The following GRK5 variants were observed in gnomAD, a reference collection of about 807,000 sequenced individuals.
The protein encoded by GRK5 is g protein-coupled receptor kinase GRK5.
In GRK5, 40 loss-of-function variants were observed where a neutral mutation model predicts 78.4. The observed-to-expected ratio is 0.51, with a 90% CI of 0.40 to 0.66. GRK5 has a LOEUF of 0.66. GRK5 is among the 30% of genes least tolerant of loss of function. GRK5 has a pLI of 0.00. For missense variants in GRK5, 598 were observed against 759.9 expected (o/e 0.79, Z 2.50); for synonymous variants, 289 against 296.8 (o/e 0.97, Z 0.27).
At chr10:119,323,763 G>A (rs555380619) in intron 1 of GRK5, among the ~76,000 whole-genome samples, 10 of 152,130 alleles carry the variant, frequency 6.6e-5, no homozygotes, top group Non-Finnish European at 1.5e-4. Flanking sequence ...ATGTTCTTTA[G>A]TGGTGATTTC....
At chr10:119,285,796 G>T (rs974641725) in intron 1 of GRK5, among the ~76,000 whole-genome samples, 1 of 152,140 alleles carries the variant, frequency 6.6e-6, no homozygotes, top group African/African-American at 2.4e-5. Context: ...GCAGGGAGCC[G>T]CTGAGTGCTG....
At chr10:119,208,348 C>G (rs1023939950) in intron 1 of GRK5, among the ~76,000 whole-genome samples, 5 of 149,710 alleles carry the variant, frequency 3.3e-5, no homozygotes, top group Admixed American at 2.0e-4. Context: ...TCTGTGTGAA[C>G]TGGTGTGTGT....
rs1345639135 is a variant in GRK5, at chr10:119,395,572, ACAATTTG to A, written c.262-1117_262-1111del. Among the ~76,000 whole-genome samples the A allele has an allele frequency of 2.0e-5, 3 of 152,282 alleles. No homozygotes were observed. The East Asian group carries it at 5.8e-4, about 29-fold the overall frequency. On this transcript the variant is annotated intron_variant, in intron 3 of 15. Transcript: ENST00000392870. ...GTGGTGGATTTTGAAATGGTTATAAACAATTTGCAATTAGCTCTTTTGTCTAAATGAG... is the reference window on the plus strand; with the variant it reads ...GTGGTGGATTTTGAAATGGTTATAAACAATTAGCTCTTTTGTCTAAATGAG...
intron 1 of GRK5, among the ~76,000 whole-genome samples, chr10:119,219,745 C>T (rs1449414542): frequency 1.3e-5 from 2 of 152,094 alleles, no homozygotes; most frequent in Admixed American, 6.5e-5. Flanking sequence ...TTGTTTTAGT[C>T]GTTTTGGAAG....
At chr10:119,362,668 G>A (rs1390150449) in intron 2 of GRK5, among the ~76,000 whole-genome samples, 2 of 152,204 alleles carry the variant, frequency 1.3e-5, no homozygotes, top group Non-Finnish European at 2.9e-5. Context: ...GAGATTTGGG[G>A]ACCTTAATTC....
rs1305377837 is a variant in GRK5 at position 119,379,992 on chromosome 10, C to T, written c.149-823C>T. Among the ~76,000 whole-genome samples, 2 of 152,158 alleles carry T rather than the reference C, an allele frequency of 1.3e-5. No individual in the cohort carries two copies. Among genetic ancestry groups the T allele is most frequent in the African/African-American group, 2.4e-5 (1 of 41,430 alleles). On this transcript the variant is annotated intron_variant, in intron 2 of 15. Coordinates refer to ENST00000392870, the MANE Select transcript of GRK5 (RefSeq NM_005308.3). The surrounding 1 kb of genome is among the most constrained non-coding windows in gnomAD (Gnocchi z 4.1). Reference sequence around the variant, plus strand: ...CTATTGAGTGGGTAAGCGCGGGTGACTTCCTGTCTCTGTGCCTTTAGTGCC... The same window carrying T: ...CTATTGAGTGGGTAAGCGCGGGTGATTTCCTGTCTCTGTGCCTTTAGTGCC...
At chr10:119,395,961 T>C (rs903878032) in intron 3 of GRK5, among the ~76,000 whole-genome samples, 6 of 152,218 alleles carry the variant, frequency 3.9e-5, no homozygotes, top group Non-Finnish European at 5.9e-5. Context: ...CCTGGCTCTT[T>C]CGAGGTTCAG....
At chr10:119,216,878 C>T (rs761187533) in intron 1 of GRK5, among the ~76,000 whole-genome samples, 1 of 151,996 alleles carries the variant, frequency 6.6e-6, no homozygotes, top group Non-Finnish European at 1.5e-5. Context: ...TTGTTTGAAC[C>T]TGGGAGTGCC....
At chr10:119,284,547 A>G (rs941224210) in intron 1 of GRK5, among the ~76,000 whole-genome samples, 5 of 152,220 alleles carry the variant, frequency 3.3e-5, no homozygotes, top group Non-Finnish European at 5.9e-5. Flanking sequence ...AATCCAGTTT[A>G]TCTTACCTCA....
intron 1 of GRK5, among the ~76,000 whole-genome samples, chr10:119,269,855 A>T (rs1337651349): frequency 6.7e-6 from 1 of 148,440 alleles, no homozygotes; most frequent in Admixed American, 6.7e-5. Context: ...AAAAAAAAAA[A>T]GTTGCTGAGT....
intron 1 of GRK5, among the ~76,000 whole-genome samples, chr10:119,324,886 G>T (rs1013315872): frequency 2.0e-5 from 3 of 151,776 alleles, no homozygotes; most frequent in Non-Finnish European, 4.4e-5. Flanking sequence ...ACCACGGCAG[G>T]TGCCGCCTCA....
intron 1 of GRK5, among the ~76,000 whole-genome samples, chr10:119,297,040 C>G (rs1284711961): frequency 6.6e-6 from 1 of 152,230 alleles, no homozygotes; most frequent in Non-Finnish European, 1.5e-5. Context: ...GCTGGCCAGC[C>G]AGGAGAGCAG....
intron 1 of GRK5, among the ~76,000 whole-genome samples, chr10:119,279,878 C>T (rs1481402799): frequency 2.0e-5 from 3 of 152,080 alleles, no homozygotes; most frequent in South Asian, 2.1e-4. Flanking sequence ...GAGAAGTTAT[C>T]GCCTGGTTTG....
Position 119,318,423 on chromosome 10 carries a change from T to C in GRK5, c.53-8093T>C, listed in dbSNP as rs529356962. ...TATAAGCAGTCCAGGGTCAGTTGTTTTGCACAGGTCTATCCCATCCCTCCC... is the reference window on the plus strand; with the variant it reads ...TATAAGCAGTCCAGGGTCAGTTGTTCTGCACAGGTCTATCCCATCCCTCCC... On this transcript the variant is annotated intron_variant, in intron 1 of 15. Transcript: ENST00000392870. 2.0e-5 allele frequency among the ~76,000 whole-genome samples: 3 copies of C among 152,334 alleles called. No individual in the cohort carries two copies. The East Asian group carries it at 5.8e-4, about 29-fold the overall frequency.
chr10:119,348,057 G>A (rs912934816), intron 2 of GRK5, among the ~76,000 whole-genome samples: 1 of 152,220 alleles, frequency 6.6e-6, no homozygotes. Context: ...GGACAGGGCC[G>A]TGTCTCAGTC....
chr10:119,369,386 G>A (rs949901689), intron 2 of GRK5, among the ~76,000 whole-genome samples: 3 of 152,136 alleles, frequency 2.0e-5, no homozygotes, highest in South Asian at 2.1e-4. Context: ...CAGGTGCCCC[G>A]TCCCGGCTCA....
rs1284746123 is a variant in GRK5, at chr10:119,378,620, C to A, written c.149-2195C>A. Among the ~76,000 whole-genome samples the A allele has an allele frequency of 6.6e-6, 1 of 152,226 alleles. No homozygotes were observed. The highest frequency in any genetic ancestry group is 1.5e-5 in the Non-Finnish European group (1 of 68,046). On this transcript the variant is annotated intron_variant, in intron 2 of 15. Coordinates refer to ENST00000392870, the MANE Select transcript of GRK5 (RefSeq NM_005308.3). The surrounding 1 kb of genome is among the most constrained non-coding windows in gnomAD (Gnocchi z 4.5). Reference sequence around the variant, plus strand: ...TGTGGTGAATAAATGCCCGGGAGGGCGGGCTGCCTTCAGGGCTCCTCTCTC... The same window carrying A: ...TGTGGTGAATAAATGCCCGGGAGGGAGGGCTGCCTTCAGGGCTCCTCTCTC...
At chr10:119,404,536 T>G (rs1213112302) in intron 4 of GRK5, among the ~76,000 whole-genome samples, 1 of 152,266 alleles carries the variant, frequency 6.6e-6, no homozygotes, top group Non-Finnish European at 1.5e-5. Flanking sequence ...GCCTTCATTT[T>G]TGTTACTTGT....
At chr10:119,233,416 C>T (rs1848862928) in intron 1 of GRK5, among the ~76,000 whole-genome samples, 1 of 151,884 alleles carries the variant, frequency 6.6e-6, no homozygotes, top group South Asian at 2.1e-4. Context: ...CTGGGGTTGC[C>T]AAGCTGGTGG....
Sources: gnomAD v4.1 joint callset for allele counts (sites outside exome capture counted in the v4.1 genomes callset) on GRCh38, gnomAD v4.1.1 for gene constraint, Gnocchi (gnomAD v3.1) non-coding constraint, MANE v1.5 for transcripts, NCBI Gene and HGNC (gene_info 2026-07-23, HGNC 2026-07-21) for gene names.